Variants in SACS observed in about 807,000 individuals in gnomAD.
SACS encodes sacsin.
Under a neutral mutation model 348.0 loss-of-function variants are expected in SACS, and 197 were observed. The observed-to-expected ratio is 0.57, with a 90% confidence interval of 0.50 to 0.64. The LOEUF (loss-of-function observed/expected upper bound fraction) is 0.64. SACS is among the 30% of genes least tolerant of loss of function. SACS has a pLI of 0.00. For missense variants in SACS, 4,999 were observed against 5,360.8 expected (o/e 0.93, Z 2.11); for synonymous variants, 1,985 against 1,910.6 (o/e 1.04, Z -1.02).
At chr13:23,351,619 T>G (rs2137695884) in intron 9 of SACS, among the ~76,000 whole-genome samples, 1 of 152,336 alleles carries the variant, frequency 6.6e-6, no homozygotes. Flanking sequence ...TTAAACTTCT[T>G]TTTATTTACA....
chr13:23,330,346 C>G lies in SACS; in HGVS notation c.13530G>C (p.Glu4510Asp). The change falls in exon 10 of 10, where the codon GAG (glutamate) becomes GAC (aspartate). Residue 4510 changes from glutamate to aspartate, a missense_variant. By Grantham distance (45) the Glu-to-Asp change is conservative. Coordinates refer to ENST00000382292, the MANE Select transcript of SACS (RefSeq NM_014363.6). ...GTCCTTCAAGTTGCTGACTATATTC[C>G]TCTATTTTCTGAGCAAGTGCAGTTG... ...VKPTALAQKIEEYSQQLEGLT... is the reference protein window; with the variant it reads ...VKPTALAQKIDEYSQQLEGLT... 6.2e-7 allele frequency: 1 copy of G among 1,614,110 alleles called. No individual in the cohort carries two copies. The highest frequency in any genetic ancestry group is 8.5e-7 in the Non-Finnish European group (1 of 1,180,012).
chr13:23,338,140 G>T lies in SACS; in HGVS notation c.5736C>A (p.Phe1912Leu), dbSNP rs760723369. 2.5e-6 allele frequency: 4 copies of T among 1,614,088 alleles called. No individual in the cohort carries two copies. Among genetic ancestry groups the T allele is most frequent in the Non-Finnish European group, 3.4e-6 (4 of 1,179,956 alleles). The change falls in exon 10 of 10, where the codon TTC (phenylalanine) becomes TTA (leucine). Residue 1912 changes from phenylalanine to leucine, a missense_variant. Phe to Leu is a conservative substitution (Grantham distance 22). This residue lies in a region of SACS where 3,156 missense variants were observed against 3,380.1 expected (regional missense o/e 0.93). Transcript: ENST00000382292. ...AAGCTTTCACAATAACATGTCTCAT[G>T]AACGTGGTATTCCATCGTCCTTTTG... ...TDTKGRWNTT[F>L]MRHVIVKAYL...
chr13:23,376,453 GCTC>G (rs1035328432), intron 2 of SACS, among the ~76,000 whole-genome samples: 1 of 151,954 alleles, frequency 6.6e-6, no homozygotes, highest in Non-Finnish European at 1.5e-5. Context: ...AAACTTGTGT[GCTC>G]CTTATTTTAA....
At chr13:23,400,163 C>T (rs1872903980) in intron 2 of SACS, among the ~76,000 whole-genome samples, 1 of 152,102 alleles carries the variant, frequency 6.6e-6, no homozygotes, top group African/African-American at 2.4e-5. Flanking sequence ...GTGGATTTTT[C>T]CCACAAGAGA....
chr13:23,345,540 G>A (rs531946969), intron 9 of SACS, among the ~76,000 whole-genome samples: 41 of 152,320 alleles, frequency 2.7e-4, no homozygotes, highest in Non-Finnish European at 5.0e-4. Context: ...GATGTAACCA[G>A]ACAGTACCAG....
intron 3 of SACS, among the ~76,000 whole-genome samples, chr13:23,372,313 A>C (rs887508643): frequency 6.6e-6 from 1 of 152,240 alleles, no homozygotes; most frequent in Non-Finnish European, 1.5e-5. Flanking sequence ...CCTCATGCAT[A>C]GAACAGTATC....
chr13:23,341,690 C>T lies in SACS; in HGVS notation c.2186G>A (p.Gly729Glu), dbSNP rs965779361. The T allele has an allele frequency of 2.5e-6, 4 of 1,611,622 alleles. No homozygotes were observed. In the Admixed American group the frequency reaches 6.7e-5, roughly 27 times the overall value. ...AALKEAAQTRGRPCTQLQLLN... is the reference protein window; with the variant it reads ...AALKEAAQTRERPCTQLQLLN... Reference sequence around the variant, plus strand: ...AAGCTGCAGCTGAGTACATGGTCTTCCTGTAAATCATACACAGAAATGTCA... The same window carrying T: ...AAGCTGCAGCTGAGTACATGGTCTTTCTGTAAATCATACACAGAAATGTCA... The change falls in exon 10 of 10, where the codon GGA (glycine) becomes GAA (glutamate). Residue 729 changes from glycine (G) to glutamate (E), a missense_variant and splice_region_variant. By Grantham distance (98) the Gly-to-Glu change is moderately conservative (BLOSUM62 -2). Around this residue, in one of 6 missense-constraint regions of SACS, gnomAD observed 3,156 missense variants for 3,380.1 expected, o/e 0.93. Transcript: ENST00000382292.
chr13:23,391,295 C>T (rs1872518148), intron 2 of SACS, among the ~76,000 whole-genome samples: 1 of 152,212 alleles, frequency 6.6e-6, no homozygotes, highest in Non-Finnish European at 1.5e-5. Flanking sequence ...AGGTGAACAT[C>T]CAAGCATCTT....
chr13:23,358,559 C>A (rs962363386), intron 6 of SACS, 78 bp from the exon 7 acceptor site: 14 of 1,483,122 alleles, frequency 9.4e-6, no homozygotes, highest in South Asian at 4.5e-5. Context: ...ATCCTCTATA[C>A]AAAATCTCTT....
intron 1 of SACS, among the ~76,000 whole-genome samples, chr13:23,430,069 G>A (rs926233806): frequency 3.3e-5 from 5 of 152,016 alleles, no homozygotes; most frequent in Admixed American, 2.0e-4. Flanking sequence ...TTAGCCGGAC[G>A]TGGTAGCAGT....
intron 9 of SACS, among the ~76,000 whole-genome samples, chr13:23,352,508 T>G (rs551081658): frequency 1.3e-5 from 2 of 152,238 alleles, no homozygotes; most frequent in African/African-American, 4.8e-5. Context: ...GGTAATCTTC[T>G]GCGTTCTGAT....
At chr13:23,392,478 C>T (rs548033512) in intron 2 of SACS, among the ~76,000 whole-genome samples, 3 of 152,280 alleles carry the variant, frequency 2.0e-5, no homozygotes, top group African/African-American at 7.2e-5. Flanking sequence ...AAATACAATG[C>T]CTCCAATGAC....
rs1868686219 is a variant in SACS, at chr13:23,337,087, T to C, written c.6789A>G (p.Glu2263=). 1 of 1,613,904 alleles carries C rather than the reference T, an allele frequency of 6.2e-7. No homozygotes were observed. Among genetic ancestry groups the C allele is most frequent in the Admixed American group, 1.7e-5 (1 of 59,998 alleles). ...CACAACCTCTAAAAGAATGGGAATT[T>C]TCATTTAGAATTGGTTGCAAAAGAC... ...IVCLLQPILN[E]NSHSFRGCGS... Residue 2263 remains glutamate (E), a synonymous_variant, in exon 10 of 10, where the codon GAA becomes GAG. Coordinates refer to ENST00000382292, the MANE Select transcript of SACS (RefSeq NM_014363.6).
At position 23,333,439 on chromosome 13, in the gene SACS, T is replaced by C; in HGVS notation, c.10437A>G (p.Lys3479=). The C allele has an allele frequency of 6.2e-7, 1 of 1,611,788 alleles. No individual in the cohort carries two copies. The highest frequency in any genetic ancestry group is 8.5e-7 in the Non-Finnish European group (1 of 1,178,954). The part of the protein sequence containing the change: ...VPVDDLEVYL[K]HLLPKIENLS... ...GATTTTCAATTTTTGGTAAGAGGTG[T>C]TTCAAATATACCTCAAGATCATCTA... The change falls in exon 10 of 10, where the codon AAA becomes AAG. Residue 3479 remains lysine (K), a synonymous_variant. Coordinates refer to ENST00000382292, the MANE Select transcript of SACS (RefSeq NM_014363.6).
chr13:23,355,508 G>A lies in SACS; in HGVS notation c.1104C>T (p.Ile368=). 1 of 1,614,096 alleles carries A rather than the reference G, an allele frequency of 6.2e-7. No individual in the cohort carries two copies. The highest frequency in any genetic ancestry group is 8.5e-7 in the Non-Finnish European group (1 of 1,179,998). Residue 368 remains isoleucine, a synonymous_variant, in exon 8 of 10, where the codon ATC becomes ATT. Coordinates refer to ENST00000382292, the MANE Select transcript of SACS (RefSeq NM_014363.6). ...NYCKKTPSNN[I]TCVTYHVNIV... ...TATTTACGTGATATGTTACACAGGT[G>A]ATGTTATTGCTTGGAGTCTTTTTAC...
Position 23,335,159 on chromosome 13 carries a change from C to T in SACS, c.8717G>A (p.Arg2906Gln), listed in dbSNP as rs767982708. ...LWRDDNGVGVRSDWNNSLMTA... is the reference protein window; with the variant it reads ...LWRDDNGVGVQSDWNNSLMTA... Reference sequence around the variant, plus strand: ...CATTAAACTGTTATTCCAGTCACTTCGAACACCAACTCCATTATCATCACG... The same window carrying T: ...CATTAAACTGTTATTCCAGTCACTTTGAACACCAACTCCATTATCATCACG... Residue 2906 changes from arginine to glutamine, a missense_variant, in exon 10 of 10, where the codon CGA becomes CAA. Arg to Gln is a conservative substitution (Grantham distance 43, BLOSUM62 1). Coordinates refer to ENST00000382292, the MANE Select transcript of SACS (RefSeq NM_014363.6). The surrounding 1 kb of genome is among the most constrained non-coding windows in gnomAD (Gnocchi z 4.7). 2.5e-6 allele frequency: 4 copies of T among 1,613,910 alleles called. No homozygotes were observed. The highest frequency in any genetic ancestry group is 2.5e-6 in the Non-Finnish European group (3 of 1,179,880).
chr13:23,335,382 C>A lies in SACS; in HGVS notation c.8494G>T (p.Val2832Leu). ...NRSGFSSMEK[V>L]SKSVISAHKN... ...TGAGCTGATATGACACTTTTAGATACTTTCTCCATACTTGAAAAGCCTGAT... is the reference window on the plus strand; with the variant it reads ...TGAGCTGATATGACACTTTTAGATAATTTCTCCATACTTGAAAAGCCTGAT... The change falls in exon 10 of 10, where the codon GTA (valine) becomes TTA (leucine). Residue 2832 changes from valine (V) to leucine (L), a missense_variant. Coordinates refer to ENST00000382292, the MANE Select transcript of SACS (RefSeq NM_014363.6). The surrounding 1 kb of genome is among the most constrained non-coding windows in gnomAD (Gnocchi z 4.7). 1 of 1,613,906 alleles carries A rather than the reference C, an allele frequency of 6.2e-7. No homozygotes were observed. Among genetic ancestry groups the A allele is most frequent in the African/African-American group, 1.3e-5 (1 of 75,038 alleles).
At position 23,338,554 on chromosome 13, in the gene SACS, A is replaced by G. The variant is rs1034825215; in HGVS notation, c.5322T>C (p.Ile1774=). 5.6e-6 allele frequency: 9 copies of G among 1,614,036 alleles called. No individual in the cohort carries two copies. The highest frequency in any genetic ancestry group is 7.6e-6 in the Non-Finnish European group (9 of 1,180,012). The change falls in exon 10 of 10, where the codon ATT becomes ATC. Residue 1774 remains isoleucine (I), a synonymous_variant. Transcript: ENST00000382292. ...VEEFHHVFRR[I]ADLQSPLFRG... ...TAAAAAGTGGCGACTGTAAATCAGC[A>G]ATCCTTCTGAACACATGGTGAAATT...
intron 2 of SACS, among the ~76,000 whole-genome samples, chr13:23,387,157 G>A (rs1421670560): frequency 2.0e-5 from 3 of 151,920 alleles, no homozygotes; most frequent in East Asian, 1.9e-4. Flanking sequence ...GCAAACCTTC[G>A]ATTTGTTAAA....
Sources: allele counts gnomAD v4.1 joint callset (sites outside exome capture counted in the v4.1 genomes callset), GRCh38; gene constraint gnomAD v4.1.1; regional missense constraint gnomAD v4.1.1; non-coding constraint Gnocchi (gnomAD v3.1); transcripts MANE v1.5; gene names NCBI Gene and HGNC (gene_info 2026-07-23, HGNC 2026-07-21).